SPAG16: variants seen among roughly 807,000 people sequenced by gnomAD.
The protein encoded by SPAG16 is sperm associated antigen 16.
Under a neutral mutation model 80.4 loss-of-function variants are expected in SPAG16, and 86 were observed. The ratio of observed to expected loss-of-function variants is 1.07; its 90% CI spans 0.90 to 1.28. SPAG16 has a LOEUF of 1.28. Among genes scored for constraint, SPAG16 ranks in the 50% most tolerant of loss-of-function variants. The probability of loss-of-function intolerance (pLI) is 0.00; values close to 1 mark genes in which losing one functional copy is unlikely to be tolerated. For synonymous variants in SPAG16, 294 were observed against 265.9 expected (o/e 1.11, Z -1.03); for missense variants, 870 against 765.3 (o/e 1.14, Z -1.61).
chr2:213,471,656 T>G (rs894876974), intron 9 of SPAG16, among the ~76,000 whole-genome samples: 16 of 152,218 alleles, frequency 1.1e-4, no homozygotes, highest in Non-Finnish European at 1.8e-4. Context: ...CTATTGAATT[T>G]GCTGGGTCAT....
intron 1 of SPAG16, among the ~76,000 whole-genome samples, chr2:213,295,607 CT>C (rs1368919919): frequency 5.9e-5 from 9 of 151,990 alleles, no homozygotes. Flanking sequence ...ATTCACAATA[CT>C]TTAAACCAAA....
chr2:214,350,518 T>A (rs1381951614), intron 15 of SPAG16, among the ~76,000 whole-genome samples: 1 of 152,324 alleles, frequency 6.6e-6, no homozygotes, highest in East Asian at 1.9e-4. Context: ...AGACACAGGA[T>A]TATTATCTGA....
At chr2:214,093,992 T>C (rs557111617) in intron 13 of SPAG16, among the ~76,000 whole-genome samples, 1 of 152,212 alleles carries the variant, frequency 6.6e-6, no homozygotes, top group South Asian at 2.1e-4. Context: ...GTGTGGTCTG[T>C]GCACAAGGAA....
At chr2:214,385,867 C>T (rs1341187294) in intron 15 of SPAG16, among the ~76,000 whole-genome samples, 1 of 151,872 alleles carries the variant, frequency 6.6e-6, no homozygotes, top group Non-Finnish European at 1.5e-5. Context: ...TGAACAACAA[C>T]AAAAAAACTC....
At chr2:214,100,881 G>A (rs6756137) in intron 13 of SPAG16, among the ~76,000 whole-genome samples, 47,994 of 151,796 alleles carry the variant, frequency 0.32, 8,024 homozygotes, top group African/African-American at 0.35. Context: ...ATGGTAGAAA[G>A]GCATTTTAAA....
intron 9 of SPAG16, among the ~76,000 whole-genome samples, chr2:213,434,409 G>A (rs1173429809): frequency 2.0e-5 from 3 of 152,070 alleles, no homozygotes; most frequent in Non-Finnish European, 2.9e-5. Flanking sequence ...ATTGATTTAC[G>A]CAAGGAATTT....
intron 15 of SPAG16, among the ~76,000 whole-genome samples, chr2:214,371,920 A>C (rs988870699): frequency 1.3e-5 from 2 of 152,036 alleles, no homozygotes; most frequent in African/African-American, 4.8e-5. Context: ...GCCTCAAGCA[A>C]TCTGCCTGCC....
Position 213,328,188 on chromosome 2 carries a change from A to G in SPAG16, c.536+10832A>G, listed in dbSNP as rs78396570. ...TCTATGGTTCTAAAACAAATATAGT[A>G]TTATTTTTTAGATAAACTCATTCAA... On this transcript the variant is annotated intron_variant, in intron 5 of 15. Coordinates refer to ENST00000331683, the MANE Select transcript of SPAG16 (RefSeq NM_024532.5). Among the ~76,000 whole-genome samples the G allele has an allele frequency of 7.9e-3, 1,201 of 152,270 alleles. 15 individuals are homozygous for G. The highest frequency in any genetic ancestry group is 0.028 in the African/African-American group (1,153 of 41,552).
intron 15 of SPAG16, among the ~76,000 whole-genome samples, chr2:214,339,505 C>G (rs1697519099): frequency 6.6e-6 from 1 of 152,118 alleles, no homozygotes; most frequent in African/African-American, 2.4e-5. Context: ...TTAAGACAGC[C>G]AAACCATCCT....
At chr2:213,694,700 C>CCCTT (rs199934008) in intron 10 of SPAG16, among the ~76,000 whole-genome samples, 17 of 148,948 alleles carry the variant, frequency 1.1e-4, no homozygotes, top group South Asian at 2.1e-4. Flanking sequence ...CATTGACCCA[C>CCCTT]CCTTCCTTCC....
intron 10 of SPAG16, among the ~76,000 whole-genome samples, chr2:213,620,924 T>C (rs2061759610): frequency 6.6e-6 from 1 of 152,040 alleles, no homozygotes; most frequent in Admixed American, 6.5e-5. Context: ...TGTGGATCTT[T>C]CTTCAAGAGT....
chr2:213,833,561 TATATAA>T lies in SPAG16; in HGVS notation c.1071-28923_1071-28918del, dbSNP rs2073900654. On this transcript the variant is annotated intron_variant, in intron 10 of 15. Coordinates refer to ENST00000331683, the MANE Select transcript of SPAG16 (RefSeq NM_024532.5). ...TATAATATATATAATATATATAATA[TATATAA>T]TATATATATAATATATATATTATAT... Among the ~76,000 whole-genome samples the T allele has an allele frequency of 1.7e-4, 4 of 23,048 alleles. 1 individual carries two copies. The highest frequency in any genetic ancestry group is 4.9e-4 in the African/African-American group (3 of 6,162). 15.1% of individuals were successfully genotyped at this position (23,048 alleles called of 152,430 possible). A position where few individuals can be genotyped will look rare whatever the true frequency, so the allele number is the denominator to read the frequency against.
intron 3 of SPAG16, chr2:213,302,456 T>C (rs1461223311): frequency 1.3e-5 from 2 of 152,174 alleles, no homozygotes; most frequent in Admixed American, 1.3e-4. Context: ...TTGTTTTTGC[T>C]AAATGAACCG....
Position 214,247,400 on chromosome 2 carries a change from G to C in SPAG16, c.1720+98134G>C, listed in dbSNP as rs191814256. 2.8e-3 allele frequency among the ~76,000 whole-genome samples: 423 copies of C among 152,048 alleles called. 2 individuals are homozygous for C. Among genetic ancestry groups the C allele is most frequent in the African/African-American group, 9.8e-3 (406 of 41,496 alleles). On this transcript the variant is annotated intron_variant, in intron 15 of 15. Transcript: ENST00000331683. Reference sequence around the variant, plus strand: ...AGTGTGGATATCTAGAATGTTAGGAGCCTCTCAAGGGACATAACTAATATT... The same window carrying C: ...AGTGTGGATATCTAGAATGTTAGGACCCTCTCAAGGGACATAACTAATATT...
intron 10 of SPAG16, among the ~76,000 whole-genome samples, chr2:213,553,150 C>T (rs1327302256): frequency 1.3e-5 from 2 of 152,148 alleles, no homozygotes; most frequent in African/African-American, 2.4e-5. Context: ...GCTATTAGTC[C>T]TGTCCCTCCA....
At chr2:213,503,331 G>A (rs1404220309) in intron 10 of SPAG16, among the ~76,000 whole-genome samples, 1 of 152,140 alleles carries the variant, frequency 6.6e-6, no homozygotes, top group Non-Finnish European at 1.5e-5. Flanking sequence ...TCACCATCTT[G>A]TTTTCACAGT....
intron 15 of SPAG16, among the ~76,000 whole-genome samples, chr2:214,233,007 G>T (rs1368339963): frequency 2.0e-5 from 3 of 152,026 alleles, no homozygotes; most frequent in African/African-American, 7.2e-5. Flanking sequence ...TGCAGTGAAA[G>T]AAGTAAAACC....
At chr2:214,182,947 A>C (rs1576440283) in intron 15 of SPAG16, among the ~76,000 whole-genome samples, 1 of 152,110 alleles carries the variant, frequency 6.6e-6, no homozygotes, top group East Asian at 1.9e-4. Context: ...AATTATAAGG[A>C]ACTCTAGAAG....
intron 10 of SPAG16, among the ~76,000 whole-genome samples, chr2:213,739,017 A>G (rs1019588114): frequency 1.4e-4 from 21 of 152,206 alleles, no homozygotes; most frequent in African/African-American, 4.8e-4. Context: ...TACTTAAACA[A>G]CTGTGATTTG....
Sources: gnomAD v4.1 joint callset for allele counts (sites outside exome capture counted in the v4.1 genomes callset) on GRCh38, gnomAD v4.1.1 for gene constraint, MANE v1.5 for transcripts, NCBI Gene and HGNC (gene_info 2026-07-23, HGNC 2026-07-21) for gene names.